The following GJB2 variants were observed in gnomAD, a reference collection of about 807,000 sequenced individuals.
GJB2 encodes the protein gap junction protein beta 2.
In GJB2, 30 loss-of-function variants were observed where a neutral mutation model predicts 16.0. The observed-to-expected ratio is 1.88, with a 90% CI of 1.41 to 2.55. The LOEUF is 2.55. Among genes scored for constraint, GJB2 ranks in the 30% most tolerant of loss-of-function variants. The pLI is 0.00. For synonymous variants in GJB2, 123 were observed against 119.1 expected (o/e 1.03, Z -0.21); for missense variants, 284 against 289.7 (o/e 0.98, Z 0.14).
chr13:20,189,789 C>T (rs778485789), intron 1 of GJB2, 186 bp from the exon 2 acceptor site: 12 of 632,138 alleles, frequency 1.9e-5, no homozygotes, highest in Non-Finnish European at 3.5e-5. Flanking sequence ...ATGTATAGTT[C>T]CCAAACCCTC....
intron 1 of GJB2, among the ~76,000 whole-genome samples, 175 bp downstream of exon 1, chr13:20,192,608 C>T (rs893470149): frequency 6.6e-6 from 1 of 152,082 alleles, no homozygotes; most frequent in African/African-American, 2.4e-5. Flanking sequence ...AGCTCCGGAG[C>T]TCGGCCGCAG....
rs540815670 is a variant in GJB2, at chr13:20,188,832, A to G, written c.*69T>C. The G allele has an allele frequency of 1.6e-5, 20 of 1,235,660 alleles. No homozygotes were observed. In the African/African-American group the frequency reaches 2.5e-4, roughly 15 times the overall value. 76.5% of individuals were successfully genotyped at this position (1,235,660 alleles called of 1,614,324 possible). A position where few individuals can be genotyped will look rare whatever the true frequency, so the allele number is the denominator to read the frequency against. On this transcript the variant is annotated 3_prime_UTR_variant, in exon 2 of 2. Transcript: ENST00000382848. ...GGGAAATGCTAGCGACTGAGCCTTG[A>G]CAGCTGAGCACGGGTTGCCTCATCC...
chr13:20,190,269 C>T (rs558121472), intron 1 of GJB2, among the ~76,000 whole-genome samples: 2 of 152,292 alleles, frequency 1.3e-5, no homozygotes, highest in Admixed American at 1.3e-4. Context: ...TACAAAGGAC[C>T]TTGCTTCCTC....
At position 20,188,786 on chromosome 13, in the gene GJB2, T is replaced by G. The variant is rs557953001; in HGVS notation, c.*115A>C. 568 of 841,896 alleles carry G rather than the reference T, an allele frequency of 6.7e-4. No individual in the cohort carries two copies. The highest frequency in any genetic ancestry group is 1.0e-3 in the Non-Finnish European group (525 of 500,812). The allele number at this position is 841,896 out of a possible 1,614,324, so 52.2% of individuals were successfully genotyped here. A position where few individuals can be genotyped will look rare whatever the true frequency, so the allele number is the denominator to read the frequency against. On this transcript the variant is annotated 3_prime_UTR_variant, in exon 2 of 2. Coordinates refer to ENST00000382848, the MANE Select transcript of GJB2 (RefSeq NM_004004.6). ...TACAGGGGTTTCAAATGGTTGCATT[T>G]AAGGTCAGAATCTTTGTGTTGGGAA...
Position 20,188,923 on chromosome 13 carries a change from C to A in GJB2, c.659G>T (p.Gly220Val), listed in dbSNP as rs1364782900. ...LCYLLIRYCS[G>V]KSKKPV ...GCGTTAAACTGGCTTTTTTGACTTC[C>A]CAGAACAATATCTAATTAGCAAATA... The change falls in exon 2 of 2, where the codon GGG (glycine) becomes GTG (valine). Residue 220 changes from glycine to valine, a missense_variant. Coordinates refer to ENST00000382848, the MANE Select transcript of GJB2 (RefSeq NM_004004.6). The A allele has an allele frequency of 2.5e-6, 4 of 1,613,208 alleles. No homozygotes were observed. The African/African-American group carries it at 5.3e-5, about 22-fold the overall frequency.
In GJB2 at chr13:20,189,342, C is replaced by CT. The variant is rs1555341954; in HGVS notation, c.239dup (p.Leu81AlafsTer21). On this transcript the variant is annotated frameshift_variant, in exon 2 of 2. Transcript: ENST00000382848. LOFTEE classifies it high-confidence loss of function. ...GCGCTGGCGTGGACACGAAGATCAG[C>CT]TGCAGGGCCCATAGCCGGATGTGGG... 6.2e-7 allele frequency: 1 copy of CT among 1,614,162 alleles called. No homozygotes were observed. The highest frequency in any genetic ancestry group is 1.3e-5 in the African/African-American group (1 of 75,058).
chr13:20,189,171 TG>T lies in GJB2; in HGVS notation c.410del (p.Thr137LysfsTer31). 6.2e-7 allele frequency: 1 copy of T among 1,614,080 alleles called. No individual in the cohort carries two copies. Among genetic ancestry groups the T allele is most frequent in the East Asian group, 2.2e-5 (1 of 44,876 alleles). ...RIEGSLWWTY[T>X]SSIFFRVIFE... Reference sequence around the variant, plus strand: ...AGATGACCCGGAAGAAGATGCTGCTTGTGTAGGTCCACCACAGGGAGCCTTC... The same window carrying T: ...AGATGACCCGGAAGAAGATGCTGCTTTGTAGGTCCACCACAGGGAGCCTTC... On this transcript the variant is annotated frameshift_variant, in exon 2 of 2. Coordinates refer to ENST00000382848, the MANE Select transcript of GJB2 (RefSeq NM_004004.6). LOFTEE classifies it high-confidence loss of function.
At position 20,189,057 on chromosome 13, in the gene GJB2, G is replaced by T. The variant is rs746294614; in HGVS notation, c.525C>A (p.Pro175=). The change falls in exon 2 of 2, where the codon CCC becomes CCA. Residue 175 remains proline, a synonymous_variant. Coordinates refer to ENST00000382848, the MANE Select transcript of GJB2 (RefSeq NM_004004.6). The part of the protein sequence containing the change: ...RLVKCNAWPC[P]NTVDCFVSRP... ...GGGACACAAAGCAGTCCACAGTGTT[G>T]GGACAAGGCCAGGCGTTGCACTTCA... 2 of 1,614,074 alleles carry T rather than the reference G, an allele frequency of 1.2e-6. No individual in the cohort carries two copies. The highest frequency in any genetic ancestry group is 1.7e-6 in the Non-Finnish European group (2 of 1,180,034).
rs149137695 is a variant in GJB2 at position 20,189,357 on chromosome 13, C to A, written c.225G>T (p.Arg75=). 1.7e-5 allele frequency: 27 copies of A among 1,614,074 alleles called. No homozygotes were observed. The African/African-American group carries it at 3.6e-4, about 22-fold the overall frequency. Residue 75 remains arginine, a synonymous_variant, in exon 2 of 2, where the codon CGG becomes CGT. Transcript: ENST00000382848. The stretch of plus-strand genomic sequence containing the variant: ...CGAAGATCAGCTGCAGGGCCCATAG[C>A]CGGATGTGGGAGATGGGGAAGTAGT... ...YDHYFPISHI[R]LWALQLIFVS... is the part of the protein sequence containing the mutation.
intron 1 of GJB2, 71 bp from the exon 2 acceptor site, chr13:20,189,674 G>T: frequency 8.5e-7 from 1 of 1,172,282 alleles, no homozygotes; most frequent in Non-Finnish European, 1.3e-6. Context: ...CTCTGAGTCT[G>T]GGTAAGCAAG....
At position 20,188,876 on chromosome 13, in the gene GJB2, C is replaced by A. The variant is rs1959054471; in HGVS notation, c.*25G>T. 2 of 1,588,620 alleles carry A rather than the reference C, an allele frequency of 1.3e-6. No homozygotes were observed. Among genetic ancestry groups the A allele is most frequent in the African/African-American group, 2.7e-5 (2 of 74,488 alleles). On this transcript the variant is annotated 3_prime_UTR_variant, in exon 2 of 2. Transcript: ENST00000382848. ...CTCATCCCTCTCATGCTGTCTATTT[C>A]TTAATCTAACAACTGGGCAATGCGT...
chr13:20,191,244 A>T (rs1208131478), intron 1 of GJB2, among the ~76,000 whole-genome samples: 1 of 152,034 alleles, frequency 6.6e-6, no homozygotes, highest in East Asian at 1.9e-4. Context: ...CATCTTATGG[A>T]ATTAGACATT....
In GJB2 at chr13:20,189,320, C is replaced by T. The variant is rs1400645189; in HGVS notation, c.262G>A (p.Ala88Thr). ...ALQLIFVSTP[A>T]LLVAMHVAYR... is the part of the protein sequence containing the mutation. The stretch of plus-strand genomic sequence containing the variant: ...GCCACGTGCATGGCCACTAGGAGCG[C>T]TGGCGTGGACACGAAGATCAGCTGC... The change falls in exon 2 of 2, where the codon GCG becomes ACG. Residue 88 changes from alanine (A) to threonine (T), a missense_variant. Ala to Thr is a moderately conservative substitution (Grantham distance 58). Transcript: ENST00000382848. The T allele has an allele frequency of 1.9e-6, 3 of 1,613,932 alleles. No homozygotes were observed. Among genetic ancestry groups the T allele is most frequent in the Non-Finnish European group, 2.5e-6 (3 of 1,180,048 alleles).
chr13:20,192,531 C>T (rs890496394), intron 1 of GJB2, among the ~76,000 whole-genome samples: 1 of 152,158 alleles, frequency 6.6e-6, no homozygotes, highest in Non-Finnish European at 1.5e-5. Flanking sequence ...TCCCCTCCCG[C>T]GCGCGCCCGG....
Position 20,189,373 on chromosome 13 carries a change from G to C in GJB2, c.209C>G (p.Pro70Arg). The change falls in exon 2 of 2, where the codon CCC (proline) becomes CGC (arginine). Residue 70 changes from proline to arginine, a missense_variant. Physicochemically the swap from Pro to Arg is moderately radical, Grantham distance 103 (BLOSUM62 -2). Transcript: ENST00000382848. The stretch of plus-strand genomic sequence containing the variant: ...GGCCCATAGCCGGATGTGGGAGATG[G>C]GGAAGTAGTGATCGTAGCACACGTT... ...CKNVCYDHYF[P>R]ISHIRLWALQ... 1.9e-6 allele frequency: 3 copies of C among 1,614,162 alleles called. No individual in the cohort carries two copies. Among genetic ancestry groups the C allele is most frequent in the Non-Finnish European group, 2.5e-6 (3 of 1,179,982 alleles).
At chr13:20,191,979 C>T (rs1224373908) in intron 1 of GJB2, among the ~76,000 whole-genome samples, 4 of 152,184 alleles carry the variant, frequency 2.6e-5, no homozygotes, top group African/African-American at 9.6e-5. Flanking sequence ...TCAAGGCAGT[C>T]CCAGGTGCAT....
chr13:20,191,395 A>T (rs1002228316), intron 1 of GJB2, among the ~76,000 whole-genome samples: 2 of 152,218 alleles, frequency 1.3e-5, no homozygotes, highest in African/African-American at 4.8e-5. Context: ...TGCCAAACCC[A>T]GGTCATACAC....
Position 20,189,266 on chromosome 13 carries a change from A to G in GJB2, c.316T>C (p.Phe106Leu). The stretch of plus-strand genomic sequence containing the variant: ...TCACTCTTTATCTCCCCCTTGATGA[A>G]CTTCCTCTTCTTCTCATGTCTCCGG... ...AYRRHEKKRK[F>L]IKGEIKSEFK... is the part of the protein sequence containing the mutation. Residue 106 changes from phenylalanine to leucine, a missense_variant, in exon 2 of 2, where the codon TTC becomes CTC. Physicochemically the swap from Phe to Leu is conservative, Grantham distance 22. Coordinates refer to ENST00000382848, the MANE Select transcript of GJB2 (RefSeq NM_004004.6). 2 of 1,613,020 alleles carry G rather than the reference A, an allele frequency of 1.2e-6. No homozygotes were observed. Among genetic ancestry groups the G allele is most frequent in the Non-Finnish European group, 1.7e-6 (2 of 1,179,474 alleles).
At chr13:20,191,085 T>G (rs1013555921) in intron 1 of GJB2, among the ~76,000 whole-genome samples, 3 of 152,168 alleles carry the variant, frequency 2.0e-5, no homozygotes, top group Non-Finnish European at 4.4e-5. Context: ...AACAATATTT[T>G]AGCCCAGGTT....
Sources: allele counts gnomAD v4.1 joint callset (sites outside exome capture counted in the v4.1 genomes callset), GRCh38; gene constraint gnomAD v4.1.1; transcripts MANE v1.5; gene names NCBI Gene and HGNC (gene_info 2026-07-23, HGNC 2026-07-21).